TMOD3: variants seen among roughly 807,000 people sequenced by gnomAD.
TMOD3 encodes tropomodulin 3.
TMOD3 carries 20 observed loss-of-function variants against 39.2 expected under a neutral mutation model. The ratio of observed to expected loss-of-function variants is 0.51; its 90% CI spans 0.36 to 0.74. The LOEUF (loss-of-function observed/expected upper bound fraction) is 0.74. Ranked by LOEUF, TMOD3 falls within the 30% of genes least tolerant of loss-of-function variation. The pLI, the probability that TMOD3 is intolerant of heterozygous loss-of-function variation, is 0.00. For missense variants in TMOD3, 381 were observed against 412.8 expected (o/e 0.92, Z 0.67); for synonymous variants, 143 against 145.8 (o/e 0.98, Z 0.14).
chr15:51,885,132 A>T (rs1164237562), intron 3 of TMOD3, among the ~76,000 whole-genome samples: 1 of 152,216 alleles, frequency 6.6e-6, no homozygotes, highest in African/African-American at 2.4e-5. Flanking sequence ...TTGTGTGAGT[A>T]CATCTTGTTT....
chr15:51,899,416 A>T (rs1339708977), intron 7 of TMOD3, among the ~76,000 whole-genome samples: 2 of 152,230 alleles, frequency 1.3e-5, no homozygotes, highest in Non-Finnish European at 2.9e-5. Context: ...CTGTAATCCC[A>T]GCACTTGGGG....
chr15:51,900,741 T>C (rs960821289), intron 8 of TMOD3, among the ~76,000 whole-genome samples: 2 of 152,220 alleles, frequency 1.3e-5, no homozygotes, highest in Non-Finnish European at 2.9e-5. Flanking sequence ...AAATGTCTCC[T>C]TCAGTCCTTC....
chr15:51,864,110 C>T (rs1392887285), intron 2 of TMOD3, among the ~76,000 whole-genome samples: 4 of 151,724 alleles, frequency 2.6e-5, no homozygotes, highest in Non-Finnish European at 5.9e-5. Context: ...ACTAAATATA[C>T]AAAAATTAGC....
rs191738086 is a variant in TMOD3 at position 51,839,765 on chromosome 15, G to C, written c.-75+9929G>C. On this transcript the variant is annotated intron_variant, in intron 1 of 9. Transcript: ENST00000308580. ...TACTTAAAATGAATTACTAAAATTT[G>C]TGTTATCATTTGGAAATTTTCTAAT... 3.9e-5 allele frequency among the ~76,000 whole-genome samples: 6 copies of C among 152,144 alleles called. No individual in the cohort carries two copies. In the East Asian group the frequency reaches 7.7e-4, roughly 20 times the overall value.
intron 3 of TMOD3, among the ~76,000 whole-genome samples, chr15:51,871,151 G>A (rs376173354): frequency 3.3e-5 from 5 of 152,272 alleles, no homozygotes; most frequent in South Asian, 2.1e-4. Flanking sequence ...TAACCATCAC[G>A]CTACTGTTAC....
intron 1 of TMOD3, chr15:51,861,061 A>G (rs77792370): frequency 1.6e-4 from 111 of 706,470 alleles, no homozygotes; most frequent in Non-Finnish European, 2.4e-4. Flanking sequence ...TCCTTCTTAA[A>G]TGAATATCCA....
intron 1 of TMOD3, among the ~76,000 whole-genome samples, chr15:51,844,407 T>C (rs1467613360): frequency 1.3e-5 from 2 of 152,234 alleles, no homozygotes; most frequent in Non-Finnish European, 2.9e-5. Context: ...TATCACCTTC[T>C]GCGGTTAAAG....
At chr15:51,865,958 C>A (rs2554332) in intron 2 of TMOD3, among the ~76,000 whole-genome samples, 8 of 151,940 alleles carry the variant, frequency 5.3e-5, no homozygotes, top group African/African-American at 7.2e-5. Context: ...TTTTTTCCCC[C>A]CCAAGGCTAG....
intron 3 of TMOD3, among the ~76,000 whole-genome samples, chr15:51,871,256 C>T (rs1293096589): frequency 6.6e-6 from 1 of 152,112 alleles, no homozygotes; most frequent in Non-Finnish European, 1.5e-5. Flanking sequence ...TAAAGACAGG[C>T]AGAGGCATCT....
intron 3 of TMOD3, among the ~76,000 whole-genome samples, chr15:51,875,599 G>A (rs1246509398): frequency 6.9e-6 from 1 of 145,922 alleles, no homozygotes; most frequent in Non-Finnish European, 1.5e-5. Flanking sequence ...TTTACATACC[G>A]TAAAGTACTG....
intron 9 of TMOD3, among the ~76,000 whole-genome samples, chr15:51,904,900 G>T (rs1458620201): frequency 1.3e-5 from 2 of 152,166 alleles, no homozygotes; most frequent in South Asian, 4.1e-4. Flanking sequence ...GCTGTGTTCT[G>T]ACCCAAAGCA....
At chr15:51,859,492 C>A in intron 1 of TMOD3, 1 of 651,980 alleles carries the variant, frequency 1.5e-6, no homozygotes, top group Admixed American at 1.8e-5. Context: ...CTTTTATACA[C>A]AGCTCTGGCT....
chr15:51,875,745 A>G (rs1330566652), intron 3 of TMOD3, among the ~76,000 whole-genome samples: 1 of 151,402 alleles, frequency 6.6e-6, no homozygotes, highest in East Asian at 1.9e-4. Context: ...CCTCCCAAGT[A>G]ACTGGGACTA....
intron 5 of TMOD3, among the ~76,000 whole-genome samples, chr15:51,893,117 G>A (rs1595908899): frequency 6.6e-6 from 1 of 150,896 alleles, no homozygotes; most frequent in Admixed American, 6.6e-5. Flanking sequence ...CCAACATGAC[G>A]AAACCCATCT....
chr15:51,846,201 C>T (rs941212074), intron 1 of TMOD3, among the ~76,000 whole-genome samples: 4 of 151,504 alleles, frequency 2.6e-5, no homozygotes, highest in South Asian at 2.1e-4. Context: ...CATAGTGGCA[C>T]GCACCTATTG....
At chr15:51,862,768 G>T in intron 1 of TMOD3, 43 bp from the exon 2 acceptor site, 1 of 966,254 alleles carries the variant, frequency 1.0e-6, no homozygotes, top group Non-Finnish European at 1.5e-6. Flanking sequence ...AGTAGGTGGA[G>T]ATGACTTACT....
At chr15:51,838,591 G>T (rs2056298040) in intron 1 of TMOD3, among the ~76,000 whole-genome samples, 1 of 151,984 alleles carries the variant, frequency 6.6e-6, no homozygotes, top group Non-Finnish European at 1.5e-5. Flanking sequence ...CTGTGCCTCT[G>T]CTCCATTTTA....
In TMOD3 at chr15:51,887,688, A is replaced by C; in HGVS notation, c.383A>C (p.Asp128Ala). 4 of 1,613,856 alleles carry C rather than the reference A, an allele frequency of 2.5e-6. No homozygotes were observed. Among genetic ancestry groups the C allele is most frequent in the Non-Finnish European group, 3.4e-6 (4 of 1,179,936 alleles). Residue 128 changes from aspartate to alanine, a missense_variant, in exon 4 of 10, where the codon GAT becomes GCT. By Grantham distance (126) the Asp-to-Ala change is moderately radical. Coordinates refer to ENST00000308580, the MANE Select transcript of TMOD3 (RefSeq NM_014547.5). ...GAAGAAGCTTTGACAAGTGCTTCTG[A>C]TACAGAATTGTGTGACCTCGCAGGT... ...ELEEALTSAS[D>A]TELCDLAAIL...
intron 2 of TMOD3, among the ~76,000 whole-genome samples, chr15:51,865,489 C>T (rs1484593988): frequency 3.3e-5 from 5 of 152,190 alleles, no homozygotes; most frequent in Non-Finnish European, 7.3e-5. Flanking sequence ...ACTATGGTAT[C>T]AGTCTGAAAT....
Sources: gnomAD v4.1 joint callset for allele counts (sites outside exome capture counted in the v4.1 genomes callset) on GRCh38, gnomAD v4.1.1 for gene constraint, MANE v1.5 for transcripts, NCBI Gene and HGNC (gene_info 2026-07-23, HGNC 2026-07-21) for gene names.